USP42: variants seen among roughly 807,000 people sequenced by gnomAD.
The protein encoded by USP42 is ubiquitin carboxyl-terminal hydrolase 42.
In USP42, 23 loss-of-function variants were observed where a neutral mutation model predicts 113.0. The observed-to-expected ratio is 0.20, with a 90% CI of 0.15 to 0.29. USP42 has a LOEUF of 0.29. USP42 is among the 10% of genes least tolerant of loss of function. USP42 has a pLI of 1.00. For missense variants in USP42, 2,174 were observed against 1,779.8 expected, an observed-to-expected ratio of 1.22 and a Z score of -3.99; for synonymous variants, 933 against 699.0, an observed-to-expected ratio of 1.33 and a Z score of -5.28.
In USP42 at chr7:6,154,474, G is replaced by C. The variant is rs939798482; in HGVS notation, c.2920G>C (p.Glu974Gln). The stretch of plus-strand genomic sequence containing the variant: ...CGCCAGAGAGAGCAGGAGCAAGACT[G>C]AGGGCCACCGTCACCGGCGGCGCCG... Reference protein sequence around the residue: ...EPARESRSKTEGHRHRRRRTC... With the variant: ...EPARESRSKTQGHRHRRRRTC... The change falls in exon 15 of 18, where the codon GAG (glutamate) becomes CAG (glutamine). Residue 974 changes from glutamate to glutamine, a missense_variant. Coordinates refer to ENST00000306177, the MANE Select transcript of USP42 (RefSeq NM_032172.3). 1.3e-6 allele frequency: 2 copies of C among 1,555,826 alleles called. No homozygotes were observed. Among genetic ancestry groups the C allele is most frequent in the Admixed American group, 1.9e-5 (1 of 51,814 alleles).
In USP42 at chr7:6,158,012, C is replaced by T. The variant is rs1011120965; in HGVS notation, c.3943+957C>T. Among the ~76,000 whole-genome samples the T allele has an allele frequency of 3.3e-5, 5 of 152,226 alleles. No homozygotes were observed. The highest frequency in any genetic ancestry group is 1.9e-4 in the East Asian group (1 of 5,200). ...GTCACTCGAGTCAGTGGACCTAGAG[C>T]GGAGGCTGGCAAACTGCAGCCCTGG... On this transcript the variant is annotated intron_variant, in intron 16 of 17. Transcript: ENST00000306177. The surrounding 1 kb of genome is among the most constrained non-coding windows in gnomAD (Gnocchi z 4.2).
chr7:6,144,444 G>A (rs1295025119), intron 9 of USP42, among the ~76,000 whole-genome samples: 1 of 152,094 alleles, frequency 6.6e-6, no homozygotes, highest in East Asian at 1.9e-4. Flanking sequence ...AGTTCATTTT[G>A]TCTTGTTTGT....
rs1781334456 is a variant in USP42 at position 6,139,581 on chromosome 7, A to G, written c.656+387A>G. 1 of 196,990 alleles carries G rather than the reference A, an allele frequency of 5.1e-6. No individual in the cohort carries two copies. The highest frequency in any genetic ancestry group is 1.0e-4 in the South Asian group (1 of 9,532). The allele number at this position is 196,990 out of a possible 1,614,324, so 12.2% of individuals were successfully genotyped here. On this transcript the variant is annotated intron_variant, in intron 5 of 17. Transcript: ENST00000306177. This position sits in a 1 kb window ranked among gnomAD's most constrained non-coding sequence, Gnocchi z 4.5. ...TATTTCCTGAACCCCCACCCCAATC[A>G]GTTACTGATTCTTGTAGCTAGTTCC...
At chr7:6,083,585 T>C in the USP42 span, among the ~76,000 whole-genome samples, 1 of 150,430 alleles carries the variant, frequency 6.6e-6, no homozygotes, top group African/African-American at 2.5e-5. Flanking sequence ...TGTATACATA[T>C]ATATACACAC....
rs1385887999 is a variant in USP42 at position 6,154,478 on chromosome 7, G to A, written c.2924G>A (p.Gly975Asp). The A allele has an allele frequency of 3.9e-6, 6 of 1,554,110 alleles. No individual in the cohort carries two copies. In the Admixed American group the frequency reaches 7.7e-5, roughly 20 times the overall value. Residue 975 changes from glycine (G) to aspartate (D), a missense_variant, in exon 15 of 18, where the codon GGC becomes GAC. Physicochemically the swap from Gly to Asp is moderately conservative, Grantham distance 94. Transcript: ENST00000306177. ...PARESRSKTE[G>D]HRHRRRRTCP... ...AGAGAGAGCAGGAGCAAGACTGAGG[G>A]CCACCGTCACCGGCGGCGCCGCACC... is the stretch of plus-strand genomic sequence containing the variant.
intron 3 of USP42, among the ~76,000 whole-genome samples, chr7:6,127,891 T>C (rs1456335013): frequency 6.6e-6 from 1 of 152,208 alleles, no homozygotes; most frequent in Non-Finnish European, 1.5e-5. Context: ...TTACTCTTTA[T>C]TAATGTAACC....
chr7:6,130,354 A>T (rs1001833573), intron 3 of USP42, among the ~76,000 whole-genome samples: 9 of 152,218 alleles, frequency 5.9e-5, no homozygotes, highest in African/African-American at 2.2e-4. Context: ...CCTGCTCCCC[A>T]CATGGTCTCC....
intron 3 of USP42, among the ~76,000 whole-genome samples, chr7:6,125,984 A>G (rs1047448633): frequency 6.6e-5 from 10 of 152,210 alleles, no homozygotes; most frequent in African/African-American, 2.2e-4. Context: ...GAATATCACA[A>G]GCACAGTAGT....
At chr7:6,107,766 C>T (rs1273623860) in intron 1 of USP42, among the ~76,000 whole-genome samples, 10 of 151,968 alleles carry the variant, frequency 6.6e-5, no homozygotes, top group African/African-American at 2.2e-4. Context: ...TTCATAATTT[C>T]TTTTAACTAT....
chr7:6,129,067 C>T (rs2128493357), intron 3 of USP42, among the ~76,000 whole-genome samples: 1 of 152,290 alleles, frequency 6.6e-6, no homozygotes, highest in Non-Finnish European at 1.5e-5. Context: ...CCACCTCAGG[C>T]TCACACAATG....
chr7:6,112,491 T>C (rs1779652403), intron 2 of USP42, among the ~76,000 whole-genome samples: 1 of 152,024 alleles, frequency 6.6e-6, no homozygotes, highest in Admixed American at 6.6e-5. Context: ...GTAACACAAA[T>C]GTTACATTTG....
the USP42 span, among the ~76,000 whole-genome samples, chr7:6,086,160 C>G: frequency 1.3e-5 from 2 of 149,742 alleles, no homozygotes; most frequent in Admixed American, 6.6e-5. Context: ...CTCAGCCTCC[C>G]GAGTACCTGG....
intron 3 of USP42, among the ~76,000 whole-genome samples, chr7:6,123,534 C>T (rs112149126): frequency 0.033 from 5,028 of 151,414 alleles, 284 homozygotes; most frequent in African/African-American, 0.12. Flanking sequence ...AGGTGGCGGG[C>T]GCCTGTAGTC....
chr7:6,139,266 A>C lies in USP42; in HGVS notation c.656+72A>C. 1 of 1,249,382 alleles carries C rather than the reference A, an allele frequency of 8.0e-7. No homozygotes were observed. Among genetic ancestry groups the C allele is most frequent in the East Asian group, 2.7e-5 (1 of 37,498 alleles). The allele number at this position is 1,249,382 out of a possible 1,614,324, so 77.4% of individuals were successfully genotyped here. A position where few individuals can be genotyped will look rare whatever the true frequency, so the allele number is the denominator to read the frequency against. On this transcript the variant is annotated intron_variant, in intron 5 of 17. Transcript: ENST00000306177. The surrounding 1 kb of genome is among the most constrained non-coding windows in gnomAD (Gnocchi z 4.5). The stretch of plus-strand genomic sequence containing the variant: ...TTGTAGTTTATTCTTATCAGAATTC[A>C]TTTTCACCTTTTTTGTTGGAAGCAC...
chr7:6,117,550 G>A (rs1274337927), intron 3 of USP42, among the ~76,000 whole-genome samples: 1 of 152,166 alleles, frequency 6.6e-6, no homozygotes, highest in African/African-American at 2.4e-5. Context: ...TTTCTCTTAG[G>A]TAAATATCTA....
chr7:6,132,187 A>G (rs1346909655), intron 3 of USP42, among the ~76,000 whole-genome samples: 1 of 151,610 alleles, frequency 6.6e-6, no homozygotes, highest in Non-Finnish European at 1.5e-5. Context: ...TGGCTTCCCA[A>G]AGTGCTGAGA....
intron 3 of USP42, among the ~76,000 whole-genome samples, chr7:6,124,768 T>C (rs1780432869): frequency 6.6e-6 from 1 of 152,198 alleles, no homozygotes; most frequent in Non-Finnish European, 1.5e-5. Flanking sequence ...TTTCCTGCCT[T>C]CTTTTGGATT....
chr7:6,087,162 G>A, the USP42 span, among the ~76,000 whole-genome samples: 1 of 149,944 alleles, frequency 6.7e-6, no homozygotes, highest in Non-Finnish European at 1.5e-5. Context: ...CTCCCGAGTA[G>A]CTGGGATAAC....
chr7:6,135,904 A>G lies in USP42; in HGVS notation c.506A>G (p.Asn169Ser), dbSNP rs1781116045. The G allele has an allele frequency of 1.9e-6, 3 of 1,610,898 alleles. No homozygotes were observed. The highest frequency in any genetic ancestry group is 2.5e-6 in the Non-Finnish European group (3 of 1,178,674). The change falls in exon 4 of 18, where the codon AAT becomes AGT. Residue 169 changes from asparagine (N) to serine (S), a missense_variant. Transcript: ENST00000306177. Reference protein sequence around the residue: ...MQAHITQALSNPGDVIKPMFV... With the variant: ...MQAHITQALSSPGDVIKPMFV... ...GCACATATTACCCAGGCACTCAGTA[A>G]TCCTGGGGACGTTATTAAACCAATG...
Sources: allele counts gnomAD v4.1 joint callset (sites outside exome capture counted in the v4.1 genomes callset), GRCh38; gene constraint gnomAD v4.1.1; non-coding constraint Gnocchi (gnomAD v3.1); transcripts MANE v1.5; gene names NCBI Gene and HGNC (gene_info 2026-07-23, HGNC 2026-07-21).